The following CTNNA3 variants were observed in gnomAD, a reference collection of about 807,000 sequenced individuals.
The protein encoded by CTNNA3 is catenin alpha-3.
CTNNA3 carries 76 observed loss-of-function variants against 95.7 expected under a neutral mutation model. The observed-to-expected ratio is 0.79, with a 90% confidence interval of 0.66 to 0.96. CTNNA3 has a LOEUF of 0.96. Ranked by LOEUF, CTNNA3 falls within the 40% of genes least tolerant of loss-of-function variation. CTNNA3 has a pLI of 0.00. For missense variants in CTNNA3, 1,191 were observed against 1,089.8 expected (o/e 1.09, Z -1.31); for synonymous variants, 431 against 374.4 (o/e 1.15, Z -1.74).
chr10:66,194,372 G>A (rs1226352908), intron 13 of CTNNA3, among the ~76,000 whole-genome samples: 1 of 152,090 alleles, frequency 6.6e-6, no homozygotes, highest in African/African-American at 2.4e-5. Flanking sequence ...CTGAGGTCAG[G>A]AGTTCAAAAC....
intron 13 of CTNNA3, among the ~76,000 whole-genome samples, chr10:66,240,919 A>G (rs2090077129): frequency 6.6e-6 from 1 of 152,126 alleles, no homozygotes; most frequent in African/African-American, 2.4e-5. Context: ...AAGAAAAGAA[A>G]CCGTTTAGTC....
intron 13 of CTNNA3, among the ~76,000 whole-genome samples, chr10:66,148,412 T>G (rs965765351): frequency 1.6e-4 from 25 of 152,064 alleles, no homozygotes; most frequent in Admixed American, 1.6e-3. Context: ...CATGTTGAAA[T>G]CTAATCCCCA....
chr10:67,499,542 G>C (rs959714047), intron 5 of CTNNA3, among the ~76,000 whole-genome samples: 1 of 152,168 alleles, frequency 6.6e-6, no homozygotes, highest in Non-Finnish European at 1.5e-5. Context: ...GTAGAATTCA[G>C]CTGTGAATCC....
rs1372673410 is a variant in CTNNA3, at chr10:65,988,670, T to C, written c.2265+22A>G. 3.2e-6 allele frequency: 5 copies of C among 1,579,932 alleles called. No individual in the cohort carries two copies. In the African/African-American group the frequency reaches 4.0e-5, roughly 13 times the overall value. The stretch of plus-strand genomic sequence containing the variant: ...GAGCAATTAGCATGAACTTTTATGA[T>C]GTCCACTTGTAAGTAACTCACCTGA... On this transcript the variant is annotated intron_variant, in intron 16 of 17. Transcript: ENST00000433211.
At chr10:66,310,688 T>TTA (rs2092006526) in intron 12 of CTNNA3, among the ~76,000 whole-genome samples, 1 of 123,404 alleles carries the variant, frequency 8.1e-6, no homozygotes, top group African/African-American at 3.5e-5. Context: ...ATACATAACT[T>TTA]TTTTTTTTTT....
intron 1 of CTNNA3, among the ~76,000 whole-genome samples, chr10:67,738,566 C>G (rs1037328225): frequency 5.3e-5 from 8 of 152,032 alleles, no homozygotes; most frequent in Non-Finnish European, 7.4e-5. Context: ...CTCCTCACCA[C>G]CAACGGAACA....
At chr10:66,884,672 C>T (rs538045039) in intron 7 of CTNNA3, among the ~76,000 whole-genome samples, 182 of 152,208 alleles carry the variant, frequency 1.2e-3, no homozygotes, top group African/African-American at 4.2e-3. Context: ...ATTCCTATCT[C>T]ACAGAAACTG....
intron 15 of CTNNA3, among the ~76,000 whole-genome samples, chr10:66,016,767 T>A (rs895534456): frequency 1.2e-4 from 19 of 152,162 alleles, no homozygotes; most frequent in African/African-American, 4.6e-4. Flanking sequence ...TCATCTAAAA[T>A]ATTAAGTTTT....
intron 13 of CTNNA3, among the ~76,000 whole-genome samples, chr10:66,127,870 T>C (rs981897538): frequency 6.6e-6 from 1 of 151,342 alleles, no homozygotes; most frequent in Non-Finnish European, 1.5e-5. Flanking sequence ...AGGTCAGGAG[T>C]TTGAGACCAG....
intron 7 of CTNNA3, among the ~76,000 whole-genome samples, chr10:66,931,985 G>T (rs1847425693): frequency 6.6e-6 from 1 of 152,172 alleles, no homozygotes. Context: ...GTCAGCATCA[G>T]TCATTTACTG....
chr10:66,186,803 C>A (rs1589672215), intron 13 of CTNNA3, among the ~76,000 whole-genome samples: 1 of 152,042 alleles, frequency 6.6e-6, no homozygotes, highest in African/African-American at 2.4e-5. Flanking sequence ...CAAAAATCTT[C>A]TTCTCCATAA....
chr10:67,592,659 G>C (rs4746692), intron 3 of CTNNA3, among the ~76,000 whole-genome samples: 7,775 of 152,154 alleles, frequency 0.051, 258 homozygotes, highest in Non-Finnish European at 0.073. Context: ...AAAAAGAACT[G>C]ATTTCCAACT....
At chr10:67,049,543 A>T (rs1340716933) in intron 7 of CTNNA3, among the ~76,000 whole-genome samples, 1 of 152,160 alleles carries the variant, frequency 6.6e-6, no homozygotes, top group Non-Finnish European at 1.5e-5. Context: ...CAAGGTTGAG[A>T]TGATAAAACT....
intron 10 of CTNNA3, among the ~76,000 whole-genome samples, chr10:66,546,148 T>C (rs987519982): frequency 6.6e-6 from 1 of 151,902 alleles, no homozygotes; most frequent in East Asian, 1.9e-4. Flanking sequence ...TCTTATTTCC[T>C]ATTAAAACTT....
chr10:66,911,605 C>T (rs1386870040), intron 7 of CTNNA3, among the ~76,000 whole-genome samples: 1 of 152,160 alleles, frequency 6.6e-6, no homozygotes, highest in Admixed American at 6.5e-5. Flanking sequence ...AGGATCTAGG[C>T]TCTACTCAAA....
rs148507586 is a variant in CTNNA3 at position 67,408,377 on chromosome 10, C to T, written c.579+113465G>A. Among the ~76,000 whole-genome samples, 524 of 152,184 alleles carry T rather than the reference C, an allele frequency of 3.4e-3. 5 individuals carry two copies. Among genetic ancestry groups the T allele is most frequent in the African/African-American group, 0.012 (499 of 41,514 alleles). On this transcript the variant is annotated intron_variant, in intron 5 of 17. Transcript: ENST00000433211. ...TAACCCAAACAGCACAGTACTGGTA[C>T]ACGAACAGACACATAGACCAATGGA...
intron 7 of CTNNA3, among the ~76,000 whole-genome samples, chr10:66,824,755 C>G (rs1056877542): frequency 2.6e-5 from 4 of 152,084 alleles, no homozygotes; most frequent in Admixed American, 2.0e-4. Flanking sequence ...TCAAGGTCAT[C>G]AAAAACAAGG....
chr10:67,297,067 AC>A (rs550848058), intron 5 of CTNNA3, among the ~76,000 whole-genome samples: 246 of 151,686 alleles, frequency 1.6e-3, no homozygotes, highest in African/African-American at 5.3e-3. Context: ...GCTTTGTATG[AC>A]CTCTAGTCAG....
At chr10:66,174,176 T>C (rs67945560) in intron 13 of CTNNA3, among the ~76,000 whole-genome samples, 7,203 of 152,164 alleles carry the variant, frequency 0.047, 212 homozygotes, top group African/African-American at 0.066. Context: ...AAAAGGCGGA[T>C]TGGAATTTTA....
Sources: allele counts gnomAD v4.1 joint callset (sites outside exome capture counted in the v4.1 genomes callset), GRCh38; gene constraint gnomAD v4.1.1; transcripts MANE v1.5; gene names NCBI Gene and HGNC (gene_info 2026-07-23, HGNC 2026-07-21).